Variants in FLOT1 observed in about 807,000 individuals in gnomAD.
The protein encoded by FLOT1 is flotillin-1.
In FLOT1, 40 loss-of-function variants were observed where a neutral mutation model predicts 58.4. The ratio of observed to expected loss-of-function variants is 0.69; its 90% CI spans 0.53 to 0.89. The LOEUF (loss-of-function observed/expected upper bound fraction) is 0.89. Among genes scored for constraint, FLOT1 ranks in the 40% least tolerant of loss-of-function variants. FLOT1 has a pLI of 0.00. For missense variants in FLOT1, 423 were observed against 540.8 expected (o/e 0.78, Z 2.16); for synonymous variants, 178 against 204.2 (o/e 0.87, Z 1.09).
rs751092275 is a variant in FLOT1, at chr6:30,740,688, G to A, written c.465C>T (p.His155=). 3.7e-6 allele frequency: 6 copies of A among 1,613,038 alleles called. No homozygotes were observed. Among genetic ancestry groups the A allele is most frequent in the South Asian group, 1.1e-5 (1 of 91,084 alleles). ...SVVSYTLKDI[H]DDQDYLHSLG... ...AATTGCCTAGTTTTACCTGGTCATC[G>A]TGAATGTCCTTCAGAGTGTAGCTAA... Residue 155 remains histidine, a synonymous_variant, in exon 6 of 13, where the codon CAC becomes CAT. Coordinates refer to ENST00000376389, the MANE Select transcript of FLOT1 (RefSeq NM_005803.4).
Position 30,737,787 on chromosome 6 carries a change from T to C in FLOT1, c.723+2371A>G, listed in dbSNP as rs569180865. On this transcript the variant is annotated intron_variant, in intron 8 of 12. Coordinates refer to ENST00000376389, the MANE Select transcript of FLOT1 (RefSeq NM_005803.4). The surrounding 1 kb of genome is among the most constrained non-coding windows in gnomAD (Gnocchi z 4.4). ...AGAATTATAGCCTGGGAAGGTCATT[T>C]ACTTGCTTACTAGCTGTTTCCTGTG... Among the ~76,000 whole-genome samples the C allele has an allele frequency of 1.6e-4, 24 of 152,340 alleles. No individual in the cohort carries two copies. The highest frequency in any genetic ancestry group is 5.8e-4 in the African/African-American group (24 of 41,590).
intron 8 of FLOT1, 84 bp downstream of exon 8, chr6:30,740,074 G>A: frequency 7.5e-7 from 1 of 1,328,048 alleles, no homozygotes. Context: ...GTTAAAGTAT[G>A]AGAAATAGTG....
Position 30,730,568 on chromosome 6 carries a change from G to C in FLOT1, c.952-3C>G. 1 of 1,611,806 alleles carries C rather than the reference G, an allele frequency of 6.2e-7. No homozygotes were observed. Reference sequence around the variant, plus strand: ...AAGGCCTCAGCTTCCCCACGCATCTGAGGGTTAAGGATGCTTGTGAGATTG... The same window carrying C: ...AAGGCCTCAGCTTCCCCACGCATCTCAGGGTTAAGGATGCTTGTGAGATTG... On this transcript the variant is annotated splice_region_variant and splice_polypyrimidine_tract_variant and intron_variant, in intron 10 of 12. Coordinates refer to ENST00000376389, the MANE Select transcript of FLOT1 (RefSeq NM_005803.4).
At chr6:30,735,868 T>A (rs1777530181) in intron 8 of FLOT1, among the ~76,000 whole-genome samples, 1 of 152,186 alleles carries the variant, frequency 6.6e-6, no homozygotes, top group African/African-American at 2.4e-5. Flanking sequence ...CTCAGCTGTG[T>A]CATACCTGCT....
In FLOT1 at chr6:30,737,208, T is replaced by TCGTCCGTCCGTCCGTCCGTCCGTC. The variant is rs148516220; in HGVS notation, c.723+2926_723+2949dup. Among the ~76,000 whole-genome samples, 7 of 138,042 alleles carry TCGTCCGTCCGTCCGTCCGTCCGTC rather than the reference T, an allele frequency of 5.1e-5. No individual in the cohort carries two copies. The highest frequency in any genetic ancestry group is 2.3e-4 in the South Asian group (1 of 4,372). The allele number at this position is 138,042 out of a possible 152,430, so 90.6% of individuals were successfully genotyped here. On this transcript the variant is annotated intron_variant, in intron 8 of 12. Coordinates refer to ENST00000376389, the MANE Select transcript of FLOT1 (RefSeq NM_005803.4). The surrounding 1 kb of genome is among the most constrained non-coding windows in gnomAD (Gnocchi z 4.4). ...GACTGACTGACTGACTGACTGTCTG[T>TCGTCCGTCCGTCCGTCCGTCCGTC]CGTCCGTCCGTCCGTCCGTCCGTCC...
Position 30,737,258 on chromosome 6 carries a change from A to ATCCG in FLOT1, c.723+2899_723+2900insCGGA, listed in dbSNP as rs1350145066. Among the ~76,000 whole-genome samples, 45 of 151,186 alleles carry ATCCG rather than the reference A, an allele frequency of 3.0e-4. No homozygotes were observed. The highest frequency in any genetic ancestry group is 2.6e-3 in the Admixed American group (40 of 15,166). On this transcript the variant is annotated intron_variant, in intron 8 of 12. Transcript: ENST00000376389. The surrounding 1 kb of genome is among the most constrained non-coding windows in gnomAD (Gnocchi z 4.4). ...CGTCCGTCCGTCCGTCCATCCGTCC[A>ATCCG]TCCATCCATCCATATATCTATCTTA... is the stretch of plus-strand genomic sequence containing the variant.
intron 8 of FLOT1, among the ~76,000 whole-genome samples, 168 bp downstream of exon 8, chr6:30,739,990 A>G (rs564055463): frequency 6.6e-6 from 1 of 152,306 alleles, no homozygotes; most frequent in South Asian, 2.1e-4. Flanking sequence ...TTTCAGCTGT[A>G]ACGTCTGAGT....
intron 12 of FLOT1, among the ~76,000 whole-genome samples, 197 bp from the exon 13 acceptor site, chr6:30,728,342 G>T (rs1461991081): frequency 6.6e-6 from 1 of 152,158 alleles, no homozygotes. Flanking sequence ...GAGAGGAGAG[G>T]GGGCAGAGCC....
In FLOT1 at chr6:30,731,038, G is replaced by A; in HGVS notation, c.786C>T (p.Ala262=). The A allele has an allele frequency of 6.2e-7, 1 of 1,612,092 alleles. No homozygotes were observed. Among genetic ancestry groups the A allele is most frequent in the Non-Finnish European group, 8.5e-7 (1 of 1,179,934 alleles). The change falls in exon 9 of 13, where the codon GCC becomes GCT. Residue 262 remains alanine, a synonymous_variant. Transcript: ENST00000376389. The stretch of plus-strand genomic sequence containing the variant: ...CCTGCTCCTGCACTGCCACCTGCTG[G>A]GCCCGCTCCACCACCTGCACCTGCA... ...QRVQVQVVER[A]QQVAVQEQEI... is the part of the protein sequence containing the mutation.
At chr6:30,730,622 CG>C (rs1264929254) in intron 10 of FLOT1, 57 bp from the exon 11 acceptor site, 6 of 1,613,822 alleles carry the variant, frequency 3.7e-6, no homozygotes, top group Admixed American at 1.7e-5. Flanking sequence ...AAGAAATCCC[CG>C]ATCAAGCAGC....
intron 8 of FLOT1, among the ~76,000 whole-genome samples, chr6:30,738,333 A>T (rs1232693629): frequency 6.6e-6 from 1 of 150,762 alleles, no homozygotes; most frequent in Non-Finnish European, 1.5e-5. Context: ...ATTTAACATA[A>T]TAACAAAAGA....
At chr6:30,739,474 A>G (rs1359442633) in intron 8 of FLOT1, among the ~76,000 whole-genome samples, 1 of 150,390 alleles carries the variant, frequency 6.6e-6, no homozygotes, top group African/African-American at 2.5e-5. Context: ...GGTTCAAGCA[A>G]TTCTCCGGCC....
intron 8 of FLOT1, among the ~76,000 whole-genome samples, chr6:30,739,432 T>C (rs577176248): frequency 7.2e-4 from 109 of 151,972 alleles, no homozygotes; most frequent in African/African-American, 2.0e-3. Flanking sequence ...TGCAATGGCG[T>C]GGTCTCAGCT....
At chr6:30,740,923 A>T (rs1376192164) in intron 5 of FLOT1, 125 bp from the exon 6 acceptor site, 24 of 1,352,960 alleles carry the variant, frequency 1.8e-5, no homozygotes, top group Non-Finnish European at 9.8e-6. Flanking sequence ...AGTAGCTGGG[A>T]TTACCGACAC....
At chr6:30,734,046 GAAAAAAAAAA>G (rs796499603) in intron 8 of FLOT1, among the ~76,000 whole-genome samples, 2 of 48,782 alleles carry the variant, frequency 4.1e-5, no homozygotes, top group Non-Finnish European at 8.2e-5. Context: ...CCCTGTCTCT[GAAAAAAAAAA>G]AAAAAAAAAA....
At chr6:30,731,875 A>C (rs1467818759) in intron 8 of FLOT1, among the ~76,000 whole-genome samples, 2 of 152,214 alleles carry the variant, frequency 1.3e-5, no homozygotes, top group East Asian at 3.8e-4. Flanking sequence ...TTTCCCAGAG[A>C]AACCACCAAG....
chr6:30,739,109 A>G (rs147510149), intron 8 of FLOT1, among the ~76,000 whole-genome samples: 2,052 of 152,342 alleles, frequency 0.013, 155 homozygotes, highest in Admixed American at 0.13. Context: ...TGCAGGATTC[A>G]ATGTCCAAGT....
At chr6:30,736,180 C>G (rs1777549657) in intron 8 of FLOT1, 1 of 152,024 alleles carries the variant, frequency 6.6e-6, no homozygotes, top group South Asian at 2.1e-4. Context: ...TGAGCCCAGG[C>G]AGTTGAAGCT....
chr6:30,733,368 A>G (rs144853108), intron 8 of FLOT1, among the ~76,000 whole-genome samples: 1 of 152,342 alleles, frequency 6.6e-6, no homozygotes, highest in African/African-American at 2.4e-5. Flanking sequence ...AGTTAGGCTG[A>G]AAGCAGGCTG....
Sources: allele counts gnomAD v4.1 joint callset (sites outside exome capture counted in the v4.1 genomes callset), GRCh38; gene constraint gnomAD v4.1.1; non-coding constraint Gnocchi (gnomAD v3.1); transcripts MANE v1.5; gene names NCBI Gene and HGNC (gene_info 2026-07-23, HGNC 2026-07-21).